Variants in GHR observed in about 807,000 individuals in gnomAD.
GHR encodes the protein growth hormone receptor.
In GHR, 35 loss-of-function variants were observed where a neutral mutation model predicts 67.1. The observed-to-expected ratio is 0.52, with a 90% CI of 0.40 to 0.69. The LOEUF is 0.69. Ranked by LOEUF, GHR falls within the 30% of genes least tolerant of loss-of-function variation. GHR has a pLI of 0.00. For synonymous variants in GHR, 272 were observed against 269.1 expected (o/e 1.01, Z -0.10); for missense variants, 792 against 764.6 (o/e 1.04, Z -0.42).
At chr5:42,570,995 A>G (rs1057238394) in intron 2 of GHR, among the ~76,000 whole-genome samples, 1 of 152,220 alleles carries the variant, frequency 6.6e-6, no homozygotes, top group Non-Finnish European at 1.5e-5. Flanking sequence ...CAGAATTACC[A>G]GTACTCAGAG....
intron 2 of GHR, among the ~76,000 whole-genome samples, chr5:42,610,261 T>C (rs1410424752): frequency 6.6e-6 from 1 of 152,180 alleles, no homozygotes; most frequent in Non-Finnish European, 1.5e-5. Context: ...AACACACCAT[T>C]GGCAATGAAC....
At chr5:42,675,961 A>G (rs1165483291) in intron 3 of GHR, among the ~76,000 whole-genome samples, 1 of 152,216 alleles carries the variant, frequency 6.6e-6, no homozygotes, top group South Asian at 2.1e-4. Context: ...CATTATTTAA[A>G]GTTTACTAGA....
At chr5:42,699,062 C>T (rs1757807879) in intron 5 of GHR, among the ~76,000 whole-genome samples, 1 of 152,208 alleles carries the variant, frequency 6.6e-6, no homozygotes, top group Admixed American at 6.5e-5. Flanking sequence ...ACAGAAAACA[C>T]TGAATTGTCA....
intron 1 of GHR, among the ~76,000 whole-genome samples, chr5:42,479,335 T>C (rs537552411): frequency 5.9e-5 from 9 of 152,314 alleles, no homozygotes; most frequent in African/African-American, 1.9e-4. Context: ...AGGATATTGG[T>C]CTAAAATTCT....
intron 3 of GHR, among the ~76,000 whole-genome samples, chr5:42,687,372 A>G (rs2111644450): frequency 6.6e-6 from 1 of 152,344 alleles, no homozygotes; most frequent in Admixed American, 6.5e-5. Flanking sequence ...AGATAATCGT[A>G]AGCAAAAAGA....
At chr5:42,535,746 G>C (rs1579893581) in intron 1 of GHR, among the ~76,000 whole-genome samples, 1 of 152,082 alleles carries the variant, frequency 6.6e-6, no homozygotes, top group East Asian at 1.9e-4. Flanking sequence ...GTTGCTTTTG[G>C]CAGTGTGATC....
intron 4 of GHR, among the ~76,000 whole-genome samples, chr5:42,689,277 G>A (rs1356466303): frequency 2.6e-5 from 4 of 152,144 alleles, no homozygotes; most frequent in Non-Finnish European, 4.4e-5. Context: ...AATGCAGGGA[G>A]ACAGGCAATA....
At chr5:42,617,741 G>A (rs1644343149) in intron 2 of GHR, among the ~76,000 whole-genome samples, 1 of 152,146 alleles carries the variant, frequency 6.6e-6, no homozygotes, top group African/African-American at 2.4e-5. Flanking sequence ...GACACACTGT[G>A]CAAGACATCT....
At chr5:42,476,194 C>A (rs553091990) in intron 1 of GHR, among the ~76,000 whole-genome samples, 1 of 151,044 alleles carries the variant, frequency 6.6e-6, no homozygotes, top group African/African-American at 2.4e-5. Flanking sequence ...TGAGCCACCG[C>A]GCCCGGCTTT....
intron 1 of GHR, chr5:42,548,471 C>T (rs1319569553): frequency 1.0e-6 from 1 of 984,828 alleles, no homozygotes; most frequent in Non-Finnish European, 1.2e-6. Flanking sequence ...TGATATAAAG[C>T]CTGGAGGAAA....
intron 3 of GHR, among the ~76,000 whole-genome samples, chr5:42,658,932 G>T (rs1293022109): frequency 6.6e-6 from 1 of 152,122 alleles, no homozygotes; most frequent in Non-Finnish European, 1.5e-5. Flanking sequence ...ATTTTGGTAG[G>T]TTATGAAGAG....
chr5:42,435,831 C>T (rs553674618), intron 1 of GHR, among the ~76,000 whole-genome samples: 6 of 152,236 alleles, frequency 3.9e-5, no homozygotes, highest in South Asian at 2.1e-4. Context: ...TTAAACTTAC[C>T]GGCCTTTGTA....
chr5:42,505,449 T>C (rs145010441), intron 1 of GHR, among the ~76,000 whole-genome samples: 1 of 151,476 alleles, frequency 6.6e-6, no homozygotes, highest in Non-Finnish European at 1.5e-5. Context: ...GCCATGCATG[T>C]TCAAAAAAAA....
rs1758920338 is a variant in GHR, at chr5:42,719,579, A to G, written c.*155A>G. The G allele has an allele frequency of 1.4e-6, 1 of 717,750 alleles. No individual in the cohort carries two copies. Among genetic ancestry groups the G allele is most frequent in the Non-Finnish European group, 2.5e-6 (1 of 400,176 alleles). 44.5% of individuals were successfully genotyped at this position (717,750 alleles called of 1,614,324 possible). ...CCTTTTCCCAAAATGTTGAAATATGATGTTAAAAAAATAAGAAGAATGCTT... is the reference window on the plus strand; with the variant it reads ...CCTTTTCCCAAAATGTTGAAATATGGTGTTAAAAAAATAAGAAGAATGCTT... On this transcript the variant is annotated 3_prime_UTR_variant, in exon 10 of 10. Transcript: ENST00000230882.
rs1278812153 is a variant in GHR, at chr5:42,424,122, T to G, written c.-12+167T>G. Among the ~76,000 whole-genome samples the G allele has an allele frequency of 1.3e-5, 2 of 151,706 alleles. No individual in the cohort carries two copies. The highest frequency in any genetic ancestry group is 2.9e-5 in the Non-Finnish European group (2 of 67,964). On this transcript the variant is annotated intron_variant, in intron 1 of 9. Coordinates refer to ENST00000230882, the MANE Select transcript of GHR (RefSeq NM_000163.5). This position sits in a 1 kb window ranked among gnomAD's most constrained non-coding sequence, Gnocchi z 4.1. ...GGATGACTTGGCTGTGCTCCCCTCC[T>G]CCTTGCGAAGAAGTTGTTTTCTGCT...
chr5:42,710,508 G>A (rs947848224), intron 6 of GHR, among the ~76,000 whole-genome samples: 3 of 151,796 alleles, frequency 2.0e-5, no homozygotes, highest in Non-Finnish European at 2.9e-5. Context: ...ACCCCTCCCC[G>A]AGAAGGTAAA....
chr5:42,448,720 G>A (rs748036034), intron 1 of GHR, among the ~76,000 whole-genome samples: 1 of 151,730 alleles, frequency 6.6e-6, no homozygotes, highest in Non-Finnish European at 1.5e-5. Context: ...AGCCAATGTT[G>A]AGAAGAGTTT....
At chr5:42,551,722 GGTACCTGTGGACATCCAGGT>G (rs1300501435) in intron 1 of GHR, among the ~76,000 whole-genome samples, 2 of 152,164 alleles carry the variant, frequency 1.3e-5, no homozygotes, top group Non-Finnish European at 2.9e-5. Flanking sequence ...GGTTATTTTA[GGTACCTGTGGACATCCAGGT>G]GTATTATTTC....
At chr5:42,616,430 C>T (rs966444311) in intron 2 of GHR, among the ~76,000 whole-genome samples, 4 of 151,922 alleles carry the variant, frequency 2.6e-5, no homozygotes, top group South Asian at 4.2e-4. Context: ...GGCTTAAGTA[C>T]CTGAGTGGAT....
Sources: allele counts gnomAD v4.1 joint callset (sites outside exome capture counted in the v4.1 genomes callset), GRCh38; gene constraint gnomAD v4.1.1; non-coding constraint Gnocchi (gnomAD v3.1); transcripts MANE v1.5; gene names NCBI Gene and HGNC (gene_info 2026-07-23, HGNC 2026-07-21).